FBXL17: variants seen among roughly 807,000 people sequenced by gnomAD.
FBXL17 encodes the protein F-box and leucine rich repeat protein 17, also known as F-box/LRR-repeat protein 17.
FBXL17 carries 22 observed loss-of-function variants against 66.2 expected under a neutral mutation model. That is an observed-to-expected ratio of 0.33 (90% confidence interval 0.24 to 0.47). The LOEUF (loss-of-function observed/expected upper bound fraction) is 0.47. Among genes scored for constraint, FBXL17 ranks in the 20% least tolerant of loss-of-function variants. FBXL17 has a pLI of 1.00. For synonymous variants in FBXL17, 474 were observed against 400.5 expected (o/e 1.18, Z -2.19); for missense variants, 878 against 948.2 (o/e 0.93, Z 0.97).
At position 108,186,266 on chromosome 5, in the gene FBXL17, T is replaced by C. The variant is rs1284948696; in HGVS notation, c.1615-19A>G. 3 of 1,602,178 alleles carry C rather than the reference T, an allele frequency of 1.9e-6. No homozygotes were observed. The highest frequency in any genetic ancestry group is 2.7e-5 in the African/African-American group (2 of 74,436). On this transcript the variant is annotated intron_variant, in intron 5 of 8. Coordinates refer to ENST00000542267, the MANE Select transcript of FBXL17 (RefSeq NM_001163315.3). ...TTCTTAGCTAATGAGATAAATAAAA[T>C]GAAAGATGAAAAAGGTAAATGCTAC...
intron 6 of FBXL17, among the ~76,000 whole-genome samples, chr5:108,049,878 G>A (rs772957963): frequency 6.6e-5 from 10 of 152,170 alleles, no homozygotes; most frequent in Admixed American, 3.9e-4. Flanking sequence ...CAAAATAAAC[G>A]GATATAGGAA....
intron 7 of FBXL17, among the ~76,000 whole-genome samples, chr5:107,894,049 C>G (rs1388363266): frequency 6.6e-6 from 1 of 152,012 alleles, no homozygotes; most frequent in Admixed American, 6.6e-5. Context: ...TGGATTTTTC[C>G]CTAGGAGTTG....
chr5:108,014,000 A>G (rs1754282140), intron 7 of FBXL17, among the ~76,000 whole-genome samples: 1 of 152,216 alleles, frequency 6.6e-6, no homozygotes, highest in Non-Finnish European at 1.5e-5. Flanking sequence ...GTGATATAAT[A>G]CTGATAATCG....
intron 6 of FBXL17, among the ~76,000 whole-genome samples, chr5:108,099,377 C>A (rs1749514703): frequency 6.6e-6 from 1 of 152,024 alleles, no homozygotes; most frequent in African/African-American, 2.4e-5. Flanking sequence ...GAAAAGCAAA[C>A]AAATTAATTT....
At chr5:108,203,034 C>T (rs563894628) in intron 5 of FBXL17, among the ~76,000 whole-genome samples, 1 of 152,082 alleles carries the variant, frequency 6.6e-6, no homozygotes, top group East Asian at 1.9e-4. Flanking sequence ...TCAGCACTGA[C>T]ACTCAGGTAG....
intron 6 of FBXL17, among the ~76,000 whole-genome samples, chr5:108,038,288 A>AACAGGACTGTATG (rs57337686): frequency 0.12 from 17,994 of 152,074 alleles, 1,343 homozygotes; most frequent in East Asian, 0.17. Context: ...TAGTTGTAAT[A>AACAGGACTGTATG]ACAGGACTGT....
intron 7 of FBXL17, among the ~76,000 whole-genome samples, chr5:107,997,093 T>C (rs1753503556): frequency 5.3e-5 from 8 of 152,114 alleles, no homozygotes; most frequent in Admixed American, 5.2e-4. Flanking sequence ...CAGCATGGAG[T>C]ATTCCGGGAT....
chr5:108,173,165 T>C (rs1238068504), intron 6 of FBXL17, among the ~76,000 whole-genome samples: 1 of 152,114 alleles, frequency 6.6e-6, no homozygotes, highest in East Asian at 1.9e-4. Context: ...AGATTGAGTA[T>C]GTAGCACTAC....
intron 6 of FBXL17, among the ~76,000 whole-genome samples, chr5:108,158,245 T>C (rs1752070828): frequency 6.6e-6 from 1 of 152,056 alleles, no homozygotes; most frequent in African/African-American, 2.4e-5. Context: ...TATATTAAAG[T>C]GTACAAAAAG....
rs557068407 is a variant in FBXL17, at chr5:107,998,154, A to C, written c.1822+22771T>G. Among the ~76,000 whole-genome samples the C allele has an allele frequency of 1.8e-4, 27 of 152,368 alleles. 1 individual carries two copies. In the South Asian group the frequency reaches 5.4e-3, roughly 30 times the overall value. Reference sequence around the variant, plus strand: ...TAATTGATTACATGCTGGAATAATAATACTTTGATTATACTGTATTACATA... The same window carrying C: ...TAATTGATTACATGCTGGAATAATACTACTTTGATTATACTGTATTACATA... On this transcript the variant is annotated intron_variant, in intron 7 of 8. Coordinates refer to ENST00000542267, the MANE Select transcript of FBXL17 (RefSeq NM_001163315.3).
intron 4 of FBXL17, among the ~76,000 whole-genome samples, chr5:108,274,387 T>G (rs892851886): frequency 1.3e-5 from 2 of 152,334 alleles, no homozygotes; most frequent in South Asian, 4.1e-4. Flanking sequence ...CATTTGCTTT[T>G]GAAAGAAGAG....
At chr5:108,362,228 T>C (rs1748387264) in intron 3 of FBXL17, among the ~76,000 whole-genome samples, 1 of 152,198 alleles carries the variant, frequency 6.6e-6, no homozygotes, top group African/African-American at 2.4e-5. Flanking sequence ...GTAACATTTA[T>C]TATTTTTGTA....
At chr5:108,115,124 A>G (rs1328300886) in intron 6 of FBXL17, among the ~76,000 whole-genome samples, 1 of 152,202 alleles carries the variant, frequency 6.6e-6, no homozygotes, top group Non-Finnish European at 1.5e-5. Flanking sequence ...AAATATAGGA[A>G]GGTGTCTATT....
chr5:107,908,928 T>C (rs370811368), intron 7 of FBXL17, among the ~76,000 whole-genome samples: 1 of 152,190 alleles, frequency 6.6e-6, no homozygotes, highest in Non-Finnish European at 1.5e-5. Context: ...CCTTCTGAAA[T>C]GGTTCTATCT....
chr5:108,117,915 T>A (rs1182677816), intron 6 of FBXL17, among the ~76,000 whole-genome samples: 1 of 152,154 alleles, frequency 6.6e-6, no homozygotes, highest in African/African-American at 2.4e-5. Context: ...CTACATTAGA[T>A]AGCTGAGAAA....
intron 6 of FBXL17, among the ~76,000 whole-genome samples, chr5:108,163,593 G>A (rs919661816): frequency 2.6e-5 from 4 of 151,946 alleles, no homozygotes; most frequent in Admixed American, 1.3e-4. Flanking sequence ...AGTAGAGACG[G>A]GGTTTCACCG....
chr5:108,126,681 A>G (rs1162936606), intron 6 of FBXL17, among the ~76,000 whole-genome samples: 2 of 145,962 alleles, frequency 1.4e-5, no homozygotes, highest in Non-Finnish European at 3.0e-5. Flanking sequence ...ATATATATAT[A>G]TATACACACA....
chr5:108,050,879 A>C (rs1747445051), intron 6 of FBXL17, among the ~76,000 whole-genome samples: 1 of 152,194 alleles, frequency 6.6e-6, no homozygotes, highest in African/African-American at 2.4e-5. Context: ...TGATGAAATC[A>C]AATAGAAAAA....
chr5:108,247,220 T>C (rs1311720631), intron 4 of FBXL17, among the ~76,000 whole-genome samples: 1 of 152,146 alleles, frequency 6.6e-6, no homozygotes, highest in Non-Finnish European at 1.5e-5. Flanking sequence ...TGGTTTTATG[T>C]ATTTGGATTC....
Sources: gnomAD v4.1 joint callset for allele counts (sites outside exome capture counted in the v4.1 genomes callset) on GRCh38, gnomAD v4.1.1 for gene constraint, MANE v1.5 for transcripts, NCBI Gene and HGNC (gene_info 2026-07-23, HGNC 2026-07-21) for gene names.